PARD3B: variants seen among roughly 807,000 people sequenced by gnomAD.
PARD3B encodes the protein par-3 family cell polarity regulator beta, also known as partitioning defective 3 homolog B.
PARD3B carries 103 observed loss-of-function variants against 130.2 expected under a neutral mutation model. The ratio of observed to expected loss-of-function variants is 0.79; its 90% CI spans 0.67 to 0.93. The LOEUF (loss-of-function observed/expected upper bound fraction) is 0.93, where lower values mean the gene tolerates loss of function less well. Among genes scored for constraint, PARD3B ranks in the 40% least tolerant of loss-of-function variants. The probability of loss-of-function intolerance (pLI) is 0.00; values close to 1 mark genes in which losing one functional copy is unlikely to be tolerated. For synonymous variants in PARD3B, 583 were observed against 553.2 expected (o/e 1.05, Z -0.76); for missense variants, 1,609 against 1,499.2 (o/e 1.07, Z -1.21).
chr2:205,317,043 C>T (rs1308545741), intron 18 of PARD3B, among the ~76,000 whole-genome samples: 1 of 152,108 alleles, frequency 6.6e-6, no homozygotes, highest in Non-Finnish European at 1.5e-5. Context: ...CACAACCTTT[C>T]CTCAAAGTGT....
chr2:204,594,565 A>T lies in PARD3B; in HGVS notation c.120+48446A>T, dbSNP rs186207355. ...AGTGGAGCCAGACTGTATCCATGCC[A>T]TGAAACTCCAGCATTCTTATTTGGC... On this transcript the variant is annotated intron_variant, in intron 1 of 22. Coordinates refer to ENST00000406610, the MANE Select transcript of PARD3B (RefSeq NM_001302769.2). Among the ~76,000 whole-genome samples, 15 of 152,316 alleles carry T rather than the reference A, an allele frequency of 9.8e-5. 1 individual carries two copies. The South Asian group carries it at 1.9e-3, about 19-fold the overall frequency.
In PARD3B at chr2:205,183,235, G is replaced by A. The variant is rs1237560450; in HGVS notation, c.1925-2529G>A. On this transcript the variant is annotated intron_variant, in intron 13 of 22. Transcript: ENST00000406610. This position sits in a 1 kb window ranked among gnomAD's most constrained non-coding sequence, Gnocchi z 5.2. ...AGGGAATGGTAAGCTAACGGGTAATGGGAGATAAAGTTGTTTGCCAGGATC... is the reference window on the plus strand; with the variant it reads ...AGGGAATGGTAAGCTAACGGGTAATAGGAGATAAAGTTGTTTGCCAGGATC... Among the ~76,000 whole-genome samples, 3 of 152,108 alleles carry A rather than the reference G, an allele frequency of 2.0e-5. No individual in the cohort carries two copies. The highest frequency in any genetic ancestry group is 1.5e-5 in the Non-Finnish European group (1 of 67,994).
intron 19 of PARD3B, among the ~76,000 whole-genome samples, chr2:205,423,772 G>A (rs866116598): frequency 2.0e-5 from 3 of 152,280 alleles, no homozygotes; most frequent in Non-Finnish European, 2.9e-5. Flanking sequence ...AAAAGAACAG[G>A]ATCGTGTCCT....
At chr2:205,104,034 A>G (rs368075805) in intron 4 of PARD3B, among the ~76,000 whole-genome samples, 40 of 152,132 alleles carry the variant, frequency 2.6e-4, no homozygotes, top group African/African-American at 8.7e-4. Flanking sequence ...TTATATTTTA[A>G]TGTTGTGAGG....
chr2:205,119,820 A>G (rs1450777427), intron 7 of PARD3B, among the ~76,000 whole-genome samples: 1 of 152,104 alleles, frequency 6.6e-6, no homozygotes, highest in Non-Finnish European at 1.5e-5. Flanking sequence ...CCCTCAAGAA[A>G]TCATCTTTCT....
intron 21 of PARD3B, among the ~76,000 whole-genome samples, chr2:205,535,098 C>G (rs73985040): frequency 0.03 from 4,583 of 152,166 alleles, 245 homozygotes; most frequent in African/African-American, 0.11. Context: ...ACATATTGCC[C>G]CCATAATCAA....
chr2:204,982,115 T>C (rs942552914), intron 3 of PARD3B, among the ~76,000 whole-genome samples: 2 of 152,208 alleles, frequency 1.3e-5, no homozygotes, highest in African/African-American at 4.8e-5. Context: ...TTTTATTTTT[T>C]ATTTTTATAT....
chr2:205,117,563 A>G (rs893282262), intron 6 of PARD3B, among the ~76,000 whole-genome samples: 3 of 152,206 alleles, frequency 2.0e-5, no homozygotes, highest in African/African-American at 7.2e-5. Flanking sequence ...CCCCTTTTCT[A>G]TGGCTGACCC....
intron 22 of PARD3B, among the ~76,000 whole-genome samples, chr2:205,556,903 G>A (rs9808501): frequency 0.04 from 6,111 of 152,148 alleles, 430 homozygotes; most frequent in African/African-American, 0.14. Flanking sequence ...CAGCCTGCCA[G>A]CCGCTCGCAA....
At position 205,588,938 on chromosome 2, in the gene PARD3B, T is replaced by G. The variant is rs370585406; in HGVS notation, c.3261-26518T>G. Reference sequence around the variant, plus strand: ...CCAAGCAAGCCTGGCTGCTTTGTGCTGCTCCTTAGAAACGAATTTCCATGT... The same window carrying G: ...CCAAGCAAGCCTGGCTGCTTTGTGCGGCTCCTTAGAAACGAATTTCCATGT... On this transcript the variant is annotated intron_variant, in intron 22 of 22. Coordinates refer to ENST00000406610, the MANE Select transcript of PARD3B (RefSeq NM_001302769.2). Among the ~76,000 whole-genome samples the G allele has an allele frequency of 5.3e-4, 81 of 152,310 alleles. 2 individuals are homozygous for G. The highest frequency in any genetic ancestry group is 3.5e-3 in the East Asian group (18 of 5,158).
At chr2:204,948,382 G>A (rs980599422) in intron 2 of PARD3B, among the ~76,000 whole-genome samples, 7 of 152,214 alleles carry the variant, frequency 4.6e-5, no homozygotes, top group African/African-American at 1.7e-4. Context: ...TAAGCTAGAA[G>A]CAAGACATTG....
Position 205,265,934 on chromosome 2 carries a change from G to A in PARD3B, c.2185+20112G>A, listed in dbSNP as rs185020838. ...ATAAAACATAAATCTTGAGAGAAGGGCTTTTGATTTTTGTTAAAAGCAGCA... is the reference window on the plus strand; with the variant it reads ...ATAAAACATAAATCTTGAGAGAAGGACTTTTGATTTTTGTTAAAAGCAGCA... On this transcript the variant is annotated intron_variant, in intron 16 of 22. Transcript: ENST00000406610. The surrounding 1 kb of genome is among the most constrained non-coding windows in gnomAD (Gnocchi z 4.3). 1.9e-3 allele frequency among the ~76,000 whole-genome samples: 294 copies of A among 152,026 alleles called. 2 individuals are homozygous for A. Among genetic ancestry groups the A allele is most frequent in the Middle Eastern group, 6.8e-3 (2 of 294 alleles).
chr2:205,509,050 G>A (rs2050488341), intron 21 of PARD3B, among the ~76,000 whole-genome samples: 1 of 151,934 alleles, frequency 6.6e-6, no homozygotes, highest in African/African-American at 2.4e-5. Flanking sequence ...AGCTATATGG[G>A]AGAAGATCTG....
At chr2:205,523,602 G>A (rs185898944) in intron 21 of PARD3B, among the ~76,000 whole-genome samples, 6 of 152,010 alleles carry the variant, frequency 3.9e-5, no homozygotes, top group East Asian at 1.9e-4. Context: ...ACAAAGTAAC[G>A]TGACTGTGTT....
intron 21 of PARD3B, among the ~76,000 whole-genome samples, chr2:205,539,843 G>A (rs769962152): frequency 2.7e-4 from 41 of 152,186 alleles, no homozygotes; most frequent in Non-Finnish European, 2.8e-4. Context: ...AGCCAAGTAC[G>A]GTTAGATGTG....
At chr2:204,619,333 A>G (rs1420350961) in intron 1 of PARD3B, among the ~76,000 whole-genome samples, 1 of 152,182 alleles carries the variant, frequency 6.6e-6, no homozygotes, top group African/African-American at 2.4e-5. Flanking sequence ...GCATTTCATC[A>G]TGGGCTACTA....
Position 205,288,595 on chromosome 2 carries a change from C to G in PARD3B, c.2186-11935C>G, listed in dbSNP as rs2041484112. Among the ~76,000 whole-genome samples, 1 of 152,136 alleles carries G rather than the reference C, an allele frequency of 6.6e-6. No homozygotes were observed. The highest frequency in any genetic ancestry group is 1.5e-5 in the Non-Finnish European group (1 of 68,030). ...TTGCCTTCTTAGCCAGATTTCAAAG[C>G]CCTTCATGCCTTTACTTTATCCTTT... is the stretch of plus-strand genomic sequence containing the variant. On this transcript the variant is annotated intron_variant, in intron 16 of 22. Coordinates refer to ENST00000406610, the MANE Select transcript of PARD3B (RefSeq NM_001302769.2). The surrounding 1 kb of genome is among the most constrained non-coding windows in gnomAD (Gnocchi z 4.0).
At chr2:205,077,178 G>A (rs1425798165) in intron 4 of PARD3B, among the ~76,000 whole-genome samples, 5 of 152,058 alleles carry the variant, frequency 3.3e-5, no homozygotes, top group Admixed American at 3.3e-4. Flanking sequence ...AGGGAGGGAG[G>A]GAGGAGTATT....
chr2:204,594,300 A>G lies in PARD3B; in HGVS notation c.120+48181A>G, dbSNP rs114977234. 5.3e-3 allele frequency among the ~76,000 whole-genome samples: 804 copies of G among 152,334 alleles called. 7 individuals are homozygous for G. Among genetic ancestry groups the G allele is most frequent in the African/African-American group, 0.019 (775 of 41,580 alleles). ...ATCTATAAAAGCATCTGTTAGCATG[A>G]TGAGAAACAGGCAATGCCTATTCCT... On this transcript the variant is annotated intron_variant, in intron 1 of 22. Coordinates refer to ENST00000406610, the MANE Select transcript of PARD3B (RefSeq NM_001302769.2).
Sources: allele counts gnomAD v4.1 joint callset (sites outside exome capture counted in the v4.1 genomes callset), GRCh38; gene constraint gnomAD v4.1.1; non-coding constraint Gnocchi (gnomAD v3.1); transcripts MANE v1.5; gene names NCBI Gene and HGNC (gene_info 2026-07-23, HGNC 2026-07-21).